Variants in DYSF observed in about 807,000 individuals in gnomAD.
The protein encoded by DYSF is dysferlin, also known as dystrophy-associated fer-1-like 1.
Under a neutral mutation model 274.9 loss-of-function variants are expected in DYSF, and 212 were observed. The observed-to-expected ratio is 0.77, with a 90% CI of 0.69 to 0.86. The LOEUF (loss-of-function observed/expected upper bound fraction) is 0.86, where lower values mean the gene tolerates loss of function less well. Ranked by LOEUF, DYSF falls within the 40% of genes least tolerant of loss-of-function variation. The pLI is 0.00. For synonymous variants in DYSF, 1,091 were observed against 1,078.7 expected (o/e 1.01, Z -0.22); for missense variants, 2,666 against 2,783.2 (o/e 0.96, Z 0.95).
At chr2:71,501,816 T>A (rs1431851317) in intron 3 of DYSF, among the ~76,000 whole-genome samples, 1 of 152,228 alleles carries the variant, frequency 6.6e-6, no homozygotes, top group Non-Finnish European at 1.5e-5. Context: ...AGACTTGGTT[T>A]GCTTACACCT....
At chr2:71,667,327 C>T (rs986259151) in intron 47 of DYSF, 49 bp from the exon 48 acceptor site, 1 of 1,613,166 alleles carries the variant, frequency 6.2e-7, no homozygotes. Context: ...GCCCCATTAT[C>T]TCTCGCTTCC....
At chr2:71,503,833 C>G (rs1311081941) in intron 4 of DYSF, among the ~76,000 whole-genome samples, 3 of 152,244 alleles carry the variant, frequency 2.0e-5, no homozygotes, top group African/African-American at 4.8e-5. Flanking sequence ...GTGCTCCCCC[C>G]AAGTCCAATC....
In DYSF at chr2:71,513,802, G is replaced by A. The variant is rs759455142; in HGVS notation, c.640G>A (p.Ala214Thr). 6.2e-7 allele frequency: 1 copy of A among 1,614,168 alleles called. No individual in the cohort carries two copies. The highest frequency in any genetic ancestry group is 8.5e-7 in the Non-Finnish European group (1 of 1,180,008). ...PFLDQSGGPG[A>T]PTTPRKLPSR... ...CCTGGATCAAAGCGGAGGCCCGGGG[G>A]CTCCCACCACCCCAAGGAAACTACC... is the stretch of plus-strand genomic sequence containing the variant. Residue 214 changes from alanine to threonine, a missense_variant, in exon 7 of 56, where the codon GCT (alanine) becomes ACT (threonine). Physicochemically the swap from Ala to Thr is moderately conservative, Grantham distance 58. This residue lies in a region of DYSF where 794 missense variants were observed against 777.1 expected (regional missense o/e 1.02). Coordinates refer to ENST00000410020, the MANE Select transcript of DYSF (RefSeq NM_001130987.2).
intron 24 of DYSF, 117 bp downstream of exon 24, chr2:71,564,330 T>C: frequency 1.4e-6 from 2 of 1,437,468 alleles, no homozygotes; most frequent in Non-Finnish European, 1.9e-6. Flanking sequence ...GCTGTGGTCT[T>C]GGAAGGAGAA....
At position 71,662,935 on chromosome 2, in the gene DYSF, CAT is replaced by C. The variant is rs200352770; in HGVS notation, c.5004-1332_5004-1331del. On this transcript the variant is annotated intron_variant, in intron 45 of 55. Transcript: ENST00000410020. ...GTGTGTATATGTGTGCACGTATGTGCATGTGTGTGTGTGTGCATATTTGTGTG... is the reference window on the plus strand; with the variant it reads ...GTGTGTATATGTGTGCACGTATGTGCGTGTGTGTGTGTGCATATTTGTGTG... Among the ~76,000 whole-genome samples the C allele has an allele frequency of 1.4e-3, 33 of 23,132 alleles. No homozygotes were observed. In the East Asian group the frequency reaches 0.02, roughly 14 times the overall value. 15.2% of individuals were successfully genotyped at this position (23,132 alleles called of 152,430 possible).
At chr2:71,506,972 G>T (rs1444448979) in intron 4 of DYSF, among the ~76,000 whole-genome samples, 1 of 152,166 alleles carries the variant, frequency 6.6e-6, no homozygotes, top group East Asian at 1.9e-4. Flanking sequence ...TCTTCAGGAG[G>T]TTGGTGTGGA....
intron 32 of DYSF, among the ~76,000 whole-genome samples, chr2:71,593,297 T>A (rs2093323784): frequency 2.0e-5 from 3 of 152,054 alleles, no homozygotes; most frequent in Non-Finnish European, 4.4e-5. Context: ...CATGCCCAGC[T>A]AATTTTTTGT....
intron 42 of DYSF, among the ~76,000 whole-genome samples, chr2:71,644,940 G>A (rs2094544722): frequency 6.6e-6 from 1 of 152,346 alleles, no homozygotes; most frequent in Admixed American, 6.5e-5. Context: ...TATCCCCCTT[G>A]CAGGGTGTGC....
chr2:71,526,144 T>C (rs1416309290), intron 12 of DYSF, 76 bp from the exon 13 acceptor site: 1 of 1,613,108 alleles, frequency 6.2e-7, no homozygotes, highest in East Asian at 2.2e-5. Context: ...GTGGCGAAGC[T>C]GGAACTCTTA....
intron 30 of DYSF, among the ~76,000 whole-genome samples, chr2:71,589,030 C>T (rs1001299367): frequency 6.6e-6 from 1 of 152,192 alleles, no homozygotes; most frequent in Non-Finnish European, 1.5e-5. Flanking sequence ...AAACAGACAG[C>T]TTGGCTTCCG....
intron 47 of DYSF, 126 bp from the exon 48 acceptor site, chr2:71,667,250 G>T (rs1272319384): frequency 3.7e-6 from 5 of 1,359,226 alleles, no homozygotes; most frequent in Non-Finnish European, 5.2e-6. Flanking sequence ...TGTGCTGGGG[G>T]TGAGGCTGCG....
intron 32 of DYSF, among the ~76,000 whole-genome samples, chr2:71,593,867 G>T (rs2093339729): frequency 6.6e-6 from 1 of 152,170 alleles, no homozygotes; most frequent in African/African-American, 2.4e-5. Context: ...CCCTCTTTGA[G>T]GCCCTCCCAG....
intron 9 of DYSF, 40 bp from the exon 10 acceptor site, chr2:71,516,949 G>C (rs754688393): frequency 6.2e-7 from 1 of 1,607,814 alleles, no homozygotes; most frequent in East Asian, 2.2e-5. Context: ...TGGGCCACAT[G>C]TTCCCTGTGA....
chr2:71,516,362 G>T, intron 9 of DYSF, 120 bp downstream of exon 9: 2 of 962,176 alleles, frequency 2.1e-6, no homozygotes, highest in Non-Finnish European at 3.3e-6. Context: ...ATGCGTGAAT[G>T]CGTGTGTGTG....
chr2:71,459,609 G>A (rs1036288093), intron 1 of DYSF, among the ~76,000 whole-genome samples: 4 of 152,114 alleles, frequency 2.6e-5, no homozygotes, highest in South Asian at 2.1e-4. Flanking sequence ...AGATTTATAC[G>A]GAAAAGTCTT....
intron 54 of DYSF, among the ~76,000 whole-genome samples, chr2:71,681,852 G>A (rs146088422): frequency 1.3e-3 from 192 of 152,344 alleles, no homozygotes; most frequent in African/African-American, 3.8e-3. Context: ...GATTAGCACC[G>A]TGTGCCTGAG....
intron 1 of DYSF, among the ~76,000 whole-genome samples, chr2:71,478,715 C>T (rs2082621613): frequency 1.3e-5 from 2 of 152,198 alleles, no homozygotes; most frequent in East Asian, 1.9e-4. Context: ...GGAATCTCTG[C>T]GGGACTCACT....
intron 46 of DYSF, 27 bp from the exon 47 acceptor site, chr2:71,665,135 C>T (rs2094972318): frequency 1.2e-6 from 2 of 1,612,772 alleles, no homozygotes; most frequent in African/African-American, 1.3e-5. Flanking sequence ...TGAAGCATCT[C>T]ATCTATGTCT....
intron 41 of DYSF, among the ~76,000 whole-genome samples, chr2:71,620,895 C>A (rs1040159032): frequency 7.2e-5 from 11 of 151,962 alleles, no homozygotes; most frequent in African/African-American, 2.2e-4. Context: ...CCAGTGGAAG[C>A]GGGGAAATCT....
Sources: allele counts gnomAD v4.1 joint callset (sites outside exome capture counted in the v4.1 genomes callset), GRCh38; gene constraint gnomAD v4.1.1; regional missense constraint gnomAD v4.1.1; transcripts MANE v1.5; gene names NCBI Gene and HGNC (gene_info 2026-07-23, HGNC 2026-07-21).